Variants in CEP41 observed in about 807,000 individuals in gnomAD.
CEP41 encodes centrosomal protein 41.
Under a neutral mutation model 44.3 loss-of-function variants are expected in CEP41, and 32 were observed. That is an observed-to-expected ratio of 0.72 (90% CI 0.54 to 0.97). CEP41 has a LOEUF of 0.97. CEP41 is among the 50% of genes least tolerant of loss of function. The probability of loss-of-function intolerance (pLI) is 0.00; values close to 1 mark genes in which losing one functional copy is unlikely to be tolerated. For missense variants in CEP41, 432 were observed against 455.2 expected (o/e 0.95, Z 0.46); for synonymous variants, 151 against 168.5 (o/e 0.90, Z 0.80).
rs1796725786 is a variant in CEP41 at position 130,398,139 on chromosome 7, C to T, written c.*752G>A. 2.2e-6 allele frequency: 1 copy of T among 453,748 alleles called. No individual in the cohort carries two copies. The highest frequency in any genetic ancestry group is 4.4e-6 in the Non-Finnish European group (1 of 226,636). The allele number at this position is 453,748 out of a possible 1,614,324, so 28.1% of individuals were successfully genotyped here. On this transcript the variant is annotated 3_prime_UTR_variant, in exon 11 of 11. Coordinates refer to ENST00000223208, the MANE Select transcript of CEP41 (RefSeq NM_018718.3). ...CCGCTTTGGTGGGCTTCAAGGGGCA[C>T]AGGCCGGTGTGGTGGCCAGGGCTTT...
In CEP41 at chr7:130,427,918, GA is replaced by G. The variant is rs1202173565; in HGVS notation, c.97+36del. ...GCTTTCTGTCAATAATTAGCTATTA[GA>G]TTTTTTTTAATTCTAATTTTCTAAT... is the stretch of plus-strand genomic sequence containing the variant. On this transcript the variant is annotated intron_variant, in intron 2 of 10. Coordinates refer to ENST00000223208, the MANE Select transcript of CEP41 (RefSeq NM_018718.3). 3 of 1,409,718 alleles carry G rather than the reference GA, an allele frequency of 2.1e-6. No homozygotes were observed. The African/African-American group carries it at 4.2e-5, about 20-fold the overall frequency. 87.3% of individuals were successfully genotyped at this position (1,409,718 alleles called of 1,614,324 possible). A position where few individuals can be genotyped will look rare whatever the true frequency, so the allele number is the denominator to read the frequency against.
At position 130,432,063 on chromosome 7, in the gene CEP41, C is replaced by T. The variant is rs374206471; in HGVS notation, c.34-4045G>A. ...ACCACAAAGAATTAGCCAGCCCAAA[C>T]GCCAATAGTGCCTAGGTTGGTGAAG... On this transcript the variant is annotated intron_variant, in intron 1 of 10. Coordinates refer to ENST00000223208, the MANE Select transcript of CEP41 (RefSeq NM_018718.3). 3.9e-5 allele frequency among the ~76,000 whole-genome samples: 6 copies of T among 152,204 alleles called. No individual in the cohort carries two copies. In the South Asian group the frequency reaches 1.0e-3, roughly 26 times the overall value.
intron 1 of CEP41, among the ~76,000 whole-genome samples, chr7:130,432,561 G>C (rs1233244384): frequency 7.1e-6 from 1 of 139,886 alleles, no homozygotes; most frequent in Non-Finnish European, 1.5e-5. Flanking sequence ...AGACCAGCCT[G>C]GGCAACACAG....
chr7:130,438,877 T>TAC (rs554164697), intron 1 of CEP41, among the ~76,000 whole-genome samples: 24 of 152,112 alleles, frequency 1.6e-4, no homozygotes, highest in East Asian at 5.8e-4. Context: ...TTTTGGTATA[T>TAC]ACACACACAC....
chr7:130,403,240 C>T (rs1796909295), intron 6 of CEP41, among the ~76,000 whole-genome samples: 2 of 152,146 alleles, frequency 1.3e-5, no homozygotes, highest in Non-Finnish European at 2.9e-5. Context: ...AACAATAATG[C>T]TTTATATATT....
At chr7:130,429,147 C>A (rs1797753636) in intron 1 of CEP41, among the ~76,000 whole-genome samples, 1 of 152,260 alleles carries the variant, frequency 6.6e-6, no homozygotes, top group South Asian at 2.1e-4. Context: ...TTATCCATCT[C>A]TCCCCTGCAG....
In CEP41 at chr7:130,427,484, T is replaced by TAA. The variant is rs1232894456; in HGVS notation, c.97+469_97+470dup. Among the ~76,000 whole-genome samples, 7 of 148,650 alleles carry TAA rather than the reference T, an allele frequency of 4.7e-5. No individual in the cohort carries two copies. The South Asian group carries it at 1.5e-3, about 32-fold the overall frequency. On this transcript the variant is annotated intron_variant, in intron 2 of 10. Coordinates refer to ENST00000223208, the MANE Select transcript of CEP41 (RefSeq NM_018718.3). The stretch of plus-strand genomic sequence containing the variant: ...TCCGCTTGAATCTAAACTCTTTAAC[T>TAA]AAAAAAAAAACACAATTCATACTCA...
intron 2 of CEP41, among the ~76,000 whole-genome samples, chr7:130,427,281 A>G (rs74990598): frequency 6.6e-6 from 1 of 152,218 alleles, no homozygotes; most frequent in African/African-American, 2.4e-5. Flanking sequence ...TTGAAAAAAA[A>G]CAAAAACAAA....
At position 130,397,920 on chromosome 7, in the gene CEP41, C is replaced by T. The variant is rs1235623065; in HGVS notation, c.*971G>A. 6.6e-6 allele frequency: 3 copies of T among 454,416 alleles called. No individual in the cohort carries two copies. The highest frequency in any genetic ancestry group is 6.0e-5 in the African/African-American group (3 of 50,012). 28.1% of individuals were successfully genotyped at this position (454,416 alleles called of 1,614,324 possible). ...CACTAATTACTCAATTAGACTAATACTGTATTTCTAAGCAAGGGCTTACGA... is the reference window on the plus strand; with the variant it reads ...CACTAATTACTCAATTAGACTAATATTGTATTTCTAAGCAAGGGCTTACGA... On this transcript the variant is annotated 3_prime_UTR_variant, in exon 11 of 11. Coordinates refer to ENST00000223208, the MANE Select transcript of CEP41 (RefSeq NM_018718.3).
chr7:130,397,508 T>C lies in CEP41; in HGVS notation c.*1383A>G, dbSNP rs1554415252. 7.6e-5 allele frequency: 9 copies of C among 118,392 alleles called. No homozygotes were observed. The highest frequency in any genetic ancestry group is 3.6e-3 in the Middle Eastern group (1 of 276). 7.3% of individuals were successfully genotyped at this position (118,392 alleles called of 1,614,324 possible). On this transcript the variant is annotated 3_prime_UTR_variant, in exon 11 of 11. Transcript: ENST00000223208. ...CCATGCTAGAAATACTGTGGTGCAT[T>C]TTTTTTTTTTTTTTTTTTTTTTTTT... is the stretch of plus-strand genomic sequence containing the variant.
In CEP41 at chr7:130,395,002, G is replaced by A. The variant is rs1160204493; in HGVS notation, c.*3889C>T. On this transcript the variant is annotated 3_prime_UTR_variant, in exon 11 of 11. Coordinates refer to ENST00000223208, the MANE Select transcript of CEP41 (RefSeq NM_018718.3). ...CAAAGAGGATCAGCAACAGAGAGGG[G>A]AGCCATCAGGGGATCACAATGTGAC... 3 of 453,938 alleles carry A rather than the reference G, an allele frequency of 6.6e-6. No homozygotes were observed. Among genetic ancestry groups the A allele is most frequent in the Non-Finnish European group, 1.3e-5 (3 of 226,772 alleles). The allele number at this position is 453,938 out of a possible 1,614,324, so 28.1% of individuals were successfully genotyped here. A position where few individuals can be genotyped will look rare whatever the true frequency, so the allele number is the denominator to read the frequency against.
chr7:130,407,520 A>G (rs1354751262), intron 5 of CEP41, among the ~76,000 whole-genome samples: 1 of 152,160 alleles, frequency 6.6e-6, no homozygotes, highest in Non-Finnish European at 1.5e-5. Flanking sequence ...AACCAGAACA[A>G]TGGAATATAA....
chr7:130,412,598 G>A (rs1452180007), intron 3 of CEP41, among the ~76,000 whole-genome samples: 1 of 152,168 alleles, frequency 6.6e-6, no homozygotes, highest in Non-Finnish European at 1.5e-5. Flanking sequence ...CCTTTTCAGA[G>A]TAAAGCAGGG....
chr7:130,415,942 T>G (rs2117622963), intron 3 of CEP41, among the ~76,000 whole-genome samples: 2 of 152,346 alleles, frequency 1.3e-5, no homozygotes, highest in South Asian at 4.1e-4. Context: ...GTTTGTAGCA[T>G]TAGCCCTTAT....
In CEP41 at chr7:130,398,818, G is replaced by C; in HGVS notation, c.*73C>G. 1 of 1,562,650 alleles carries C rather than the reference G, an allele frequency of 6.4e-7. No individual in the cohort carries two copies. Among genetic ancestry groups the C allele is most frequent in the Admixed American group, 1.7e-5 (1 of 59,968 alleles). ...TTCCTCTGCAGAAGTTTCTGGAAAT[G>C]ACCCAACTTGGGAAATGCTCAGGGG... On this transcript the variant is annotated 3_prime_UTR_variant, in exon 11 of 11. Coordinates refer to ENST00000223208, the MANE Select transcript of CEP41 (RefSeq NM_018718.3).
rs1288815942 is a variant in CEP41, at chr7:130,400,211, A to G, written c.801T>C (p.Thr267=). 6.2e-7 allele frequency: 1 copy of G among 1,613,876 alleles called. No homozygotes were observed. Among genetic ancestry groups the G allele is most frequent in the African/African-American group, 1.3e-5 (1 of 74,928 alleles). Residue 267 remains threonine, a synonymous_variant, in exon 10 of 11, where the codon ACT becomes ACC. Transcript: ENST00000223208. The part of the protein sequence containing the change: ...LAQKFPEGLI[T]GSLPASCQQA... ...GCTGGCAAGATGCTGGCAGGGAACCAGTAATCAGTCCTTCCGGGAATTTCT... is the reference window on the plus strand; with the variant it reads ...GCTGGCAAGATGCTGGCAGGGAACCGGTAATCAGTCCTTCCGGGAATTTCT...
upstream of CEP41, among the ~76,000 whole-genome samples, chr7:130,441,453 C>G (rs1554428014): frequency 4.6e-5 from 7 of 152,168 alleles, no homozygotes. Context: ...TTATATGGGC[C>G]AGGGTTGTTC....
At chr7:130,412,377 T>C (rs1797209944) in intron 3 of CEP41, 137 bp from the exon 4 acceptor site, 2 of 618,704 alleles carry the variant, frequency 3.2e-6, no homozygotes, top group South Asian at 1.9e-5. Context: ...CATGATATCA[T>C]CAAAATTAGG....
chr7:130,417,047 G>T, intron 2 of CEP41, 81 bp from the exon 3 acceptor site: 1 of 1,358,152 alleles, frequency 7.4e-7, no homozygotes, highest in Non-Finnish European at 1.0e-6. Context: ...TGGAGGAAAA[G>T]TATCCCCTAA....
Sources: gnomAD v4.1 joint callset for allele counts (sites outside exome capture counted in the v4.1 genomes callset) on GRCh38, gnomAD v4.1.1 for gene constraint, MANE v1.5 for transcripts, NCBI Gene and HGNC (gene_info 2026-07-23, HGNC 2026-07-21) for gene names.